Variants in SCN9A observed in about 807,000 individuals in gnomAD.
SCN9A encodes sodium voltage-gated channel alpha subunit 9, also known as sodium channel protein type 9 subunit alpha.
SCN9A carries 131 observed loss-of-function variants against 187.0 expected under a neutral mutation model. The observed-to-expected ratio is 0.70, with a 90% CI of 0.61 to 0.81. The LOEUF (loss-of-function observed/expected upper bound fraction) is 0.81. SCN9A is among the 30% of genes least tolerant of loss of function. The pLI, the probability that SCN9A is intolerant of heterozygous loss-of-function variation, is 0.00. For synonymous variants in SCN9A, 809 were observed against 808.6 expected (o/e 1.00, Z -0.01); for missense variants, 2,252 against 2,396.6 (o/e 0.94, Z 1.26).
rs769295581 is a variant in SCN9A, at chr2:166,199,135, C to T, written c.5504G>A (p.Arg1835Gln). The T allele has an allele frequency of 1.3e-5, 21 of 1,613,988 alleles. No homozygotes were observed. The East Asian group carries it at 2.5e-4, about 19-fold the overall frequency. Residue 1835 changes from arginine to glutamine, a missense_variant, in exon 27 of 27, where the codon CGG (arginine) becomes CAG (glutamine). Arg to Gln is a conservative substitution (Grantham distance 43). Transcript: ENST00000642356. ...AAATAAGATGTCAAGACAATGGATCCGGTCACCACTAACCATGGGCAGATC... is the reference window on the plus strand; with the variant it reads ...AAATAAGATGTCAAGACAATGGATCTGGTCACCACTAACCATGGGCAGATC... ...AMDLPMVSGD[R>Q]IHCLDILFAF...
At position 166,280,437 on chromosome 2, in the gene SCN9A, C is replaced by T. The variant is rs1167649519; in HGVS notation, c.2263G>A (p.Val755Ile). The T allele has an allele frequency of 1.9e-6, 3 of 1,591,386 alleles. No homozygotes were observed. The highest frequency in any genetic ancestry group is 2.7e-5 in the African/African-American group (2 of 74,580). The stretch of plus-strand genomic sequence containing the variant: ...ATAGCCATAAATAATGTGTTTAAAA[C>T]TATGCAAATGGTAATTGCAAGATCT... ...FVDLAITICI[V>I]LNTLFMAMEH... Residue 755 changes from valine to isoleucine, a missense_variant, in exon 14 of 27, where the codon GTT becomes ATT. By Grantham distance (29) the Val-to-Ile change is conservative. Coordinates refer to ENST00000642356, the MANE Select transcript of SCN9A (RefSeq NM_001365536.1).
At chr2:166,364,360 A>T (rs1402184546) in intron 1 of SCN9A, among the ~76,000 whole-genome samples, 1 of 152,164 alleles carries the variant, frequency 6.6e-6, no homozygotes, top group Non-Finnish European at 1.5e-5. Flanking sequence ...GAAGGGACGC[A>T]TGTAGTTATC....
At chr2:166,235,626 T>G (rs1695283379) in intron 20 of SCN9A, among the ~76,000 whole-genome samples, 1 of 152,054 alleles carries the variant, frequency 6.6e-6, no homozygotes. Context: ...GTTTTCAGTT[T>G]TGAGACCATC....
intron 1 of SCN9A, among the ~76,000 whole-genome samples, chr2:166,321,793 CTTTTT>C (rs142400656): frequency 3.4e-5 from 4 of 118,764 alleles, no homozygotes. Context: ...CTGGCAAAAT[CTTTTT>C]TTTTTTTTTT....
intron 16 of SCN9A, among the ~76,000 whole-genome samples, chr2:166,274,179 G>T (rs58844845): frequency 6.6e-6 from 1 of 151,964 alleles, no homozygotes. Context: ...TGGCTCATGC[G>T]GTTCTCACTT....
intron 19 of SCN9A, among the ~76,000 whole-genome samples, chr2:166,241,765 ATTC>A (rs1294801709): frequency 6.6e-6 from 1 of 152,110 alleles, no homozygotes; most frequent in Non-Finnish European, 1.5e-5. Flanking sequence ...ACTCATTTGT[ATTC>A]TTCTCTTCTC....
chr2:166,268,430 T>A (rs1383449324), intron 17 of SCN9A, among the ~76,000 whole-genome samples: 1 of 151,660 alleles, frequency 6.6e-6, no homozygotes, highest in Non-Finnish European at 1.5e-5. Context: ...GCATCTCAGA[T>A]ACGAAAAAAA....
intron 1 of SCN9A, among the ~76,000 whole-genome samples, chr2:166,358,408 C>G (rs908844241): frequency 6.6e-6 from 1 of 151,964 alleles, no homozygotes; most frequent in Non-Finnish European, 1.5e-5. Context: ...TTTGCATTTT[C>G]TTTTGTGAGT....
chr2:166,222,942 C>CAAAA (rs1558960810), intron 24 of SCN9A, among the ~76,000 whole-genome samples: 1 of 55,294 alleles, frequency 1.8e-5, no homozygotes, highest in African/African-American at 8.0e-5. Context: ...AAAAAAAAAA[C>CAAAA]AACAAAAAAA....
At chr2:166,340,033 T>A (rs1699725111) in intron 1 of SCN9A, among the ~76,000 whole-genome samples, 2 of 152,088 alleles carry the variant, frequency 1.3e-5, no homozygotes, top group Admixed American at 1.3e-4. Context: ...GGGGATGAAG[T>A]AAGGCAGGAC....
chr2:166,201,836 A>G (rs957119094), intron 26 of SCN9A, among the ~76,000 whole-genome samples: 1 of 151,586 alleles, frequency 6.6e-6, no homozygotes, highest in African/African-American at 2.4e-5. Flanking sequence ...GAGTGCTACC[A>G]TTCTTCTTTA....
intron 1 of SCN9A, among the ~76,000 whole-genome samples, chr2:166,317,966 G>A (rs990708835): frequency 6.6e-6 from 1 of 152,156 alleles, no homozygotes; most frequent in African/African-American, 2.4e-5. Context: ...TTCTAGCAGA[G>A]AAGTCACAGA....
At chr2:166,204,750 C>T (rs1386187987) in intron 24 of SCN9A, 1 of 181,328 alleles carries the variant, frequency 5.5e-6, no homozygotes, top group African/African-American at 2.3e-5. Context: ...AAACTATGTA[C>T]TTTTATCTTT....
intron 8 of SCN9A, 140 bp downstream of exon 8, chr2:166,294,459 C>G: frequency 1.8e-6 from 1 of 570,190 alleles, no homozygotes; most frequent in South Asian, 3.1e-5. Flanking sequence ...ACTGGATTTG[C>G]TGTGGGACAG....
rs572384176 is a variant in SCN9A at position 166,277,127 on chromosome 2, C to T, written c.2730G>A (p.Met910Ile). 6.2e-7 allele frequency: 1 copy of T among 1,614,046 alleles called. No homozygotes were observed. Among genetic ancestry groups the T allele is most frequent in the East Asian group, 2.2e-5 (1 of 44,860 alleles). The change falls in exon 16 of 27, where the codon ATG (methionine) becomes ATA (isoleucine). Residue 910 changes from methionine (M) to isoleucine (I), a missense_variant. By Grantham distance (10) the Met-to-Ile change is conservative (BLOSUM62 1). This residue lies in a region of SCN9A where 119 missense variants were observed against 188.7 expected (regional missense o/e 0.63). Transcript: ENST00000642356. ...TCAGGAAGGAGTGGAAGAAGTCGTT[C>T]ATGTGCCACCGTGGGAGCGTACAGT... ...NDDCTLPRWH[M>I]NDFFHSFLIV...
rs2106469561 is a variant in SCN9A at position 166,277,340 on chromosome 2, C to A, written c.2518-1G>T. ...ATTTTGCCAACTTGAAGACTCGGAG[C>A]TAAAAGCAAATATAAAGTTTAATGT... On this transcript the variant is annotated splice_acceptor_variant, in intron 15 of 26. Coordinates refer to ENST00000642356, the MANE Select transcript of SCN9A (RefSeq NM_001365536.1). LOFTEE classifies it high-confidence loss of function. The A allele has an allele frequency of 3.2e-6, 5 of 1,587,074 alleles. No individual in the cohort carries two copies. Among genetic ancestry groups the A allele is most frequent in the Non-Finnish European group, 4.3e-6 (5 of 1,159,658 alleles).
intron 24 of SCN9A, among the ~76,000 whole-genome samples, chr2:166,225,032 A>G (rs1373251511): frequency 1.3e-5 from 2 of 152,148 alleles, no homozygotes; most frequent in African/African-American, 2.4e-5. Context: ...TACTCAACAT[A>G]TATGAATGAA....
intron 17 of SCN9A, among the ~76,000 whole-genome samples, chr2:166,267,111 G>A (rs1411710956): frequency 6.6e-6 from 1 of 151,850 alleles, no homozygotes; most frequent in African/African-American, 2.4e-5. Context: ...TAGTGAAAGT[G>A]GGCATCCTTA....
chr2:166,311,745 C>T lies in SCN9A; in HGVS notation c.12G>A (p.Leu4=), dbSNP rs1413327507. 1 of 1,601,140 alleles carries T rather than the reference C, an allele frequency of 6.2e-7. No individual in the cohort carries two copies. Among genetic ancestry groups the T allele is most frequent in the African/African-American group, 1.3e-5 (1 of 74,640 alleles). The change falls in exon 2 of 27, where the codon TTG becomes TTA. Residue 4 remains leucine (L), a synonymous_variant. Transcript: ENST00000642356. ...CAAAGCTCTGAGGTCCTGGGGGAGG[C>T]AACATTGCCATCTTTTCATCCTGTA... MAM[L]PPPGPQSFVH...
Sources: allele counts gnomAD v4.1 joint callset (sites outside exome capture counted in the v4.1 genomes callset), GRCh38; gene constraint gnomAD v4.1.1; regional missense constraint gnomAD v4.1.1; transcripts MANE v1.5; gene names NCBI Gene and HGNC (gene_info 2026-07-23, HGNC 2026-07-21).